Variants in AKAP12 observed in about 807,000 individuals in gnomAD.
AKAP12 encodes A-kinase anchoring protein 12.
AKAP12 carries 32 observed loss-of-function variants against 79.9 expected under a neutral mutation model. The ratio of observed to expected loss-of-function variants is 0.40; its 90% confidence interval spans 0.30 to 0.54. AKAP12 has a LOEUF of 0.54. Ranked by LOEUF, AKAP12 falls within the 20% of genes least tolerant of loss-of-function variation. The pLI is 0.48. For synonymous variants in AKAP12, 808 were observed against 857.0 expected, an observed-to-expected ratio of 0.94 and a Z score of 1.00; for missense variants, 2,074 against 2,177.0, an observed-to-expected ratio of 0.95 and a Z score of 0.94.
intron 2 of AKAP12, among the ~76,000 whole-genome samples, chr6:151,262,586 ACTT>A (rs1410318899): frequency 1.9e-5 from 2 of 103,550 alleles, no homozygotes; most frequent in Non-Finnish European, 4.0e-5. Flanking sequence ...AATGACTTCA[ACTT>A]CAAGTTCAAA....
At chr6:151,328,722 C>A (rs1448527800) in intron 3 of AKAP12, among the ~76,000 whole-genome samples, 2 of 151,696 alleles carry the variant, frequency 1.3e-5, no homozygotes, top group Non-Finnish European at 2.9e-5. Context: ...CACTTAAATA[C>A]TATAGAAGGT....
At chr6:151,279,455 G>A (rs1403676703) in intron 2 of AKAP12, among the ~76,000 whole-genome samples, 1 of 151,916 alleles carries the variant, frequency 6.6e-6, no homozygotes, top group Non-Finnish European at 1.5e-5. Flanking sequence ...AGAATGGTGA[G>A]TGTATTTATA....
At chr6:151,269,438 TG>T (rs1776130285) in intron 2 of AKAP12, among the ~76,000 whole-genome samples, 1 of 152,214 alleles carries the variant, frequency 6.6e-6, no homozygotes, top group Non-Finnish European at 1.5e-5. Context: ...CCAAGACATC[TG>T]GGGAGGATTT....
intron 2 of AKAP12, among the ~76,000 whole-genome samples, chr6:151,258,292 T>C (rs1797341784): frequency 6.6e-6 from 1 of 152,210 alleles, no homozygotes; most frequent in South Asian, 2.1e-4. Context: ...TAAAGGGAAA[T>C]GTCACGAGTT....
chr6:151,333,027 G>A (rs934280802), intron 3 of AKAP12, among the ~76,000 whole-genome samples: 3 of 152,124 alleles, frequency 2.0e-5, no homozygotes, highest in Admixed American at 1.3e-4. Flanking sequence ...GGTTTTAGGG[G>A]CACCAAAAAG....
intron 2 of AKAP12, among the ~76,000 whole-genome samples, chr6:151,304,767 C>T (rs187147289): frequency 1.5e-4 from 23 of 151,742 alleles, no homozygotes; most frequent in South Asian, 6.3e-4. Flanking sequence ...TTAGTAGAGA[C>T]GGGGTTTCAC....
At chr6:151,287,000 G>A (rs1229343645) in intron 2 of AKAP12, among the ~76,000 whole-genome samples, 3 of 149,716 alleles carry the variant, frequency 2.0e-5, no homozygotes, top group African/African-American at 7.4e-5. Flanking sequence ...GTGCAGTGGC[G>A]TGATCTCGGC....
intron 3 of AKAP12, among the ~76,000 whole-genome samples, chr6:151,307,228 T>C (rs897762306): frequency 6.6e-6 from 1 of 152,254 alleles, no homozygotes; most frequent in Non-Finnish European, 1.5e-5. Context: ...TTGTGCGTTA[T>C]CACCTTTAAT....
At position 151,322,998 on chromosome 6, in the gene AKAP12, CAG is replaced by C. The variant is rs555443235; in HGVS notation, c.319+17099_319+17100del. ...TCTAAAAATCCTAATTTAACAAAAACAGAGAATGGAAATGATAAAAGAAAGTC... is the reference window on the plus strand; with the variant it reads ...TCTAAAAATCCTAATTTAACAAAAACAGAATGGAAATGATAAAAGAAAGTC... On this transcript the variant is annotated intron_variant, in intron 3 of 4. Transcript: ENST00000402676. 9.9e-5 allele frequency among the ~76,000 whole-genome samples: 15 copies of C among 152,274 alleles called. No homozygotes were observed. The South Asian group carries it at 2.9e-3, about 29-fold the overall frequency.
intron 2 of AKAP12, among the ~76,000 whole-genome samples, chr6:151,260,851 G>A (rs1797413192): frequency 6.6e-6 from 1 of 152,042 alleles, no homozygotes; most frequent in Admixed American, 6.6e-5. Context: ...AATTAGCTGA[G>A]TGTGGTGGTG....
rs1332064006 is a variant in AKAP12 at position 151,351,746 on chromosome 6, A to C, written c.3355A>C (p.Ser1119Arg). Residue 1119 changes from serine (S) to arginine (R), a missense_variant, in exon 4 of 5, where the codon AGC becomes CGC. Ser to Arg is a moderately radical substitution (Grantham distance 110). Coordinates refer to ENST00000402676, the MANE Select transcript of AKAP12 (RefSeq NM_005100.4). This position sits in a 1 kb window ranked among gnomAD's most constrained non-coding sequence, Gnocchi z 4.4. ...GKVVGQTTPESFEKAPQVTES... is the reference protein window; with the variant it reads ...GKVVGQTTPERFEKAPQVTES... The stretch of plus-strand genomic sequence containing the variant: ...GGTGGTGGGGCAGACCACCCCAGAA[A>C]GCTTTGAAAAAGCTCCTCAAGTCAC... 6.2e-7 allele frequency: 1 copy of C among 1,614,182 alleles called. No individual in the cohort carries two copies. The highest frequency in any genetic ancestry group is 1.7e-5 in the Admixed American group (1 of 60,018).
At chr6:151,306,930 T>A (rs1275088312) in intron 3 of AKAP12, among the ~76,000 whole-genome samples, 1 of 152,222 alleles carries the variant, frequency 6.6e-6, no homozygotes, top group African/African-American at 2.4e-5. Context: ...AGTCCAAAGC[T>A]TTGTCTTTCC....
At chr6:151,265,698 A>T (rs1288178684) in intron 2 of AKAP12, among the ~76,000 whole-genome samples, 1 of 152,256 alleles carries the variant, frequency 6.6e-6, no homozygotes, top group African/African-American at 2.4e-5. Context: ...AAAATCTAAC[A>T]GTACATGCAA....
At chr6:151,277,944 ATGTGTGTGTG>A (rs10524824) in intron 2 of AKAP12, among the ~76,000 whole-genome samples, 7 of 148,318 alleles carry the variant, frequency 4.7e-5, no homozygotes, top group Non-Finnish European at 9.0e-5. Flanking sequence ...TAATAGGTTT[ATGTGTGTGTG>A]TGTGTGTGTG....
chr6:151,245,585 C>T lies in AKAP12; in HGVS notation c.162+4861C>T, dbSNP rs929945749. On this transcript the variant is annotated intron_variant, in intron 2 of 4. Transcript: ENST00000402676. ...GCGTGAACCCGGGAGGTGGAGCTTG[C>T]AGGGAGCCGAGATGGCACCACTGCA... Among the ~76,000 whole-genome samples, 103 of 134,080 alleles carry T rather than the reference C, an allele frequency of 7.7e-4. 1 individual carries two copies. Among genetic ancestry groups the T allele is most frequent in the African/African-American group, 2.8e-3 (100 of 35,806 alleles). The allele number at this position is 134,080 out of a possible 152,430, so 88.0% of individuals were successfully genotyped here.
chr6:151,297,572 C>CAAAA (rs3029353), intron 2 of AKAP12, among the ~76,000 whole-genome samples: 1 of 122,436 alleles, frequency 8.2e-6, no homozygotes, highest in Non-Finnish European at 1.8e-5. Context: ...GAGTTCGTCT[C>CAAAA]AAAAAAAAAA....
chr6:151,334,746 C>A (rs975272119), intron 3 of AKAP12, among the ~76,000 whole-genome samples: 1 of 151,530 alleles, frequency 6.6e-6, no homozygotes, highest in African/African-American at 2.4e-5. Context: ...CTCAGCCTCC[C>A]GAGTAGCTGG....
chr6:151,246,169 A>G (rs1196531806), intron 2 of AKAP12, among the ~76,000 whole-genome samples: 1 of 152,208 alleles, frequency 6.6e-6, no homozygotes, highest in Non-Finnish European at 1.5e-5. Context: ...CTGTAATCCC[A>G]GCACTTTGGG....
chr6:151,335,525 G>A (rs1777788892), intron 3 of AKAP12, among the ~76,000 whole-genome samples: 1 of 152,040 alleles, frequency 6.6e-6, no homozygotes, highest in African/African-American at 2.4e-5. Context: ...TGTCACCTGT[G>A]CAGTGGCACG....
Sources: allele counts gnomAD v4.1 joint callset (sites outside exome capture counted in the v4.1 genomes callset), GRCh38; gene constraint gnomAD v4.1.1; non-coding constraint Gnocchi (gnomAD v3.1); transcripts MANE v1.5; gene names NCBI Gene and HGNC (gene_info 2026-07-23, HGNC 2026-07-21).